TARBP1: variants seen among roughly 807,000 people sequenced by gnomAD.
The protein encoded by TARBP1 is tRNA guanosine 2 -O-methyltransferase TARBP1.
Under a neutral mutation model 178.6 loss-of-function variants are expected in TARBP1, and 144 were observed. The ratio of observed to expected loss-of-function variants is 0.81; its 90% confidence interval spans 0.70 to 0.93. The LOEUF (loss-of-function observed/expected upper bound fraction) is 0.93, where lower values mean the gene tolerates loss of function less well. Among genes scored for constraint, TARBP1 ranks in the 40% least tolerant of loss-of-function variants. TARBP1 has a pLI of 0.00. For missense variants in TARBP1, 2,067 were observed against 2,011.7 expected, an observed-to-expected ratio of 1.03 and a Z score of -0.53; for synonymous variants, 787 against 781.0, an observed-to-expected ratio of 1.01 and a Z score of -0.13.
rs145165224 is a variant in TARBP1, at chr1:234,459,641, G to A, written c.1536-315C>T. On this transcript the variant is annotated intron_variant, in intron 7 of 29. Coordinates refer to ENST00000040877, the MANE Select transcript of TARBP1 (RefSeq NM_005646.4). ...AGCCTGGCCAACATGGTGCAATCCC[G>A]TCTCTACTAAAAATACAAAAATCAG... Among the ~76,000 whole-genome samples the A allele has an allele frequency of 3.6e-3, 540 of 152,006 alleles. 3 individuals are homozygous for A. Among genetic ancestry groups the A allele is most frequent in the African/African-American group, 0.012 (512 of 41,464 alleles).
chr1:234,433,002 G>A (rs1664625265), intron 14 of TARBP1, among the ~76,000 whole-genome samples: 1 of 152,192 alleles, frequency 6.6e-6, no homozygotes, highest in South Asian at 2.1e-4. Context: ...CACTTTGGGA[G>A]GCCAAGGCAG....
At chr1:234,399,378 G>A (rs1482977677) in intron 25 of TARBP1, among the ~76,000 whole-genome samples, 3 of 152,172 alleles carry the variant, frequency 2.0e-5, no homozygotes, top group East Asian at 3.8e-4. Flanking sequence ...CAATGATCAC[G>A]ACTACATGTT....
intron 4 of TARBP1, 151 bp from the exon 5 acceptor site, chr1:234,465,859 G>A: frequency 3.3e-6 from 2 of 605,848 alleles, no homozygotes; most frequent in South Asian, 7.3e-5. Context: ...TAAATTTAGT[G>A]CTGGTCCTGG....
chr1:234,479,060 T>C lies in TARBP1; in HGVS notation c.44A>G (p.Asp15Gly). 6.5e-7 allele frequency: 1 copy of C among 1,539,390 alleles called. No homozygotes were observed. The highest frequency in any genetic ancestry group is 8.6e-7 in the Non-Finnish European group (1 of 1,156,130). Residue 15 changes from aspartate (D) to glycine (G), a missense_variant, in exon 1 of 30, where the codon GAC becomes GGC. Physicochemically the swap from Asp to Gly is moderately conservative, Grantham distance 94. Transcript: ENST00000040877. ...LAEALLSQSR[D>G]PRALLGALCQ... Reference sequence around the variant, plus strand: ...CAGCGCCCCAAGCAGGGCCCGGGGGTCCCGGCTCTGCGAGAGCAGCGCTTC... The same window carrying C: ...CAGCGCCCCAAGCAGGGCCCGGGGGCCCCGGCTCTGCGAGAGCAGCGCTTC...
In TARBP1 at chr1:234,460,109, A is replaced by AT. The variant is rs570350546; in HGVS notation, c.1535+151dup. 4,677 of 849,026 alleles carry AT rather than the reference A, an allele frequency of 5.5e-3. 17 individuals are homozygous for AT. The highest frequency in any genetic ancestry group is 6.6e-3 in the Non-Finnish European group (3,966 of 601,214). 52.6% of individuals were successfully genotyped at this position (849,026 alleles called of 1,614,324 possible). ...AACTATACGAATAATACATTTTTTAATTTTTTTCTTATGTAAAATTAAGAG... is the reference window on the plus strand; with the variant it reads ...AACTATACGAATAATACATTTTTTAATTTTTTTTCTTATGTAAAATTAAGAG... On this transcript the variant is annotated intron_variant, in intron 7 of 29. Coordinates refer to ENST00000040877, the MANE Select transcript of TARBP1 (RefSeq NM_005646.4).
intron 26 of TARBP1, among the ~76,000 whole-genome samples, chr1:234,394,927 TA>T (rs1264704262): frequency 6.6e-6 from 1 of 151,716 alleles, no homozygotes; most frequent in Non-Finnish European, 1.5e-5. Flanking sequence ...CCGACTCTAC[TA>T]AAAATAACAC....
chr1:234,447,434 G>A (rs1347139383), intron 11 of TARBP1, among the ~76,000 whole-genome samples: 2 of 121,784 alleles, frequency 1.6e-5, no homozygotes, highest in South Asian at 2.6e-4. Context: ...TCACTCTGTC[G>A]CCCAGGCTGG....
chr1:234,391,618 T>C lies in TARBP1; in HGVS notation c.4825A>G (p.Thr1609Ala). 1 of 1,613,472 alleles carries C rather than the reference T, an allele frequency of 6.2e-7. No individual in the cohort carries two copies. The highest frequency in any genetic ancestry group is 8.5e-7 in the Non-Finnish European group (1 of 1,179,928). ...CCGTGCGAGAGCAGCTGCTGCCTGG[T>C]GTACTCCCAGATCAGCAGGGCTCCA... ...VSGALLIWEY[T>A]RQQLLSHGDT... is the part of the protein sequence containing the mutation. Residue 1609 changes from threonine to alanine, a missense_variant, in exon 30 of 30, where the codon ACC becomes GCC. Transcript: ENST00000040877.
chr1:234,408,474 CA>C (rs1052195184), intron 23 of TARBP1, among the ~76,000 whole-genome samples: 4 of 152,194 alleles, frequency 2.6e-5, no homozygotes, highest in African/African-American at 9.7e-5. Context: ...GTAGGACTAA[CA>C]AATTAGCCTC....
At chr1:234,410,209 T>C (rs1217760586) in intron 23 of TARBP1, among the ~76,000 whole-genome samples, 1 of 152,192 alleles carries the variant, frequency 6.6e-6, no homozygotes, top group Non-Finnish European at 1.5e-5. Flanking sequence ...ACTTACCCAG[T>C]AGTTTGTCTA....
At position 234,393,474 on chromosome 1, in the gene TARBP1, G is replaced by A. The variant is rs1659609864; in HGVS notation, c.4448C>T (p.Thr1483Ile). ...CACTGAAGCCCCAAATACCTCACAG[G>A]TCCTGCACAGTCCTGCACAGAACAC... Reference protein sequence around the residue: ...KPTNLGGLCRTCEVFGASVLV... With the variant: ...KPTNLGGLCRICEVFGASVLV... The change falls in exon 28 of 30, where the codon ACC (threonine) becomes ATC (isoleucine). Residue 1483 changes from threonine (T) to isoleucine (I), a missense_variant. Thr to Ile is a moderately conservative substitution (Grantham distance 89). Transcript: ENST00000040877. The A allele has an allele frequency of 6.3e-7, 1 of 1,578,986 alleles. No individual in the cohort carries two copies. Among genetic ancestry groups the A allele is most frequent in the Non-Finnish European group, 8.6e-7 (1 of 1,163,150 alleles).
Position 234,403,762 on chromosome 1 carries a change from C to T in TARBP1, c.3989+2141G>A, listed in dbSNP as rs536285029. Among the ~76,000 whole-genome samples the T allele has an allele frequency of 3.3e-5, 5 of 152,312 alleles. No homozygotes were observed. In the East Asian group the frequency reaches 9.6e-4, roughly 29 times the overall value. ...GCAGTGGCGCAATCTTGGCTCACTG[C>T]AACCTCCACCTCCCGGGTTCAAGAG... is the stretch of plus-strand genomic sequence containing the variant. On this transcript the variant is annotated intron_variant, in intron 24 of 29. Coordinates refer to ENST00000040877, the MANE Select transcript of TARBP1 (RefSeq NM_005646.4).
chr1:234,441,305 T>C (rs529756840), intron 12 of TARBP1, among the ~76,000 whole-genome samples: 16 of 152,086 alleles, frequency 1.1e-4, no homozygotes, highest in African/African-American at 3.6e-4. Context: ...CAGCAGGACT[T>C]TTTTTTTGTA....
intron 5 of TARBP1, 28 bp from the exon 6 acceptor site, chr1:234,463,962 T>G (rs748119464): frequency 6.9e-7 from 1 of 1,446,290 alleles, no homozygotes; most frequent in Non-Finnish European, 9.4e-7. Context: ...GGAAAACAAA[T>G]ATTTAACATT....
At chr1:234,477,892 A>C (rs1669714123) in intron 1 of TARBP1, among the ~76,000 whole-genome samples, 1 of 152,174 alleles carries the variant, frequency 6.6e-6, no homozygotes, top group Admixed American at 6.5e-5. Context: ...GGTCTGTAAA[A>C]TCTTGCACGG....
At chr1:234,455,885 G>T (rs1439598624) in intron 9 of TARBP1, among the ~76,000 whole-genome samples, 1 of 151,938 alleles carries the variant, frequency 6.6e-6, no homozygotes, top group Non-Finnish European at 1.5e-5. Flanking sequence ...ACAAAATGGG[G>T]AAAGGACAAT....
chr1:234,447,392 A>G (rs1194993655), intron 11 of TARBP1, among the ~76,000 whole-genome samples: 6 of 132,208 alleles, frequency 4.5e-5, no homozygotes, highest in African/African-American at 1.7e-4. Flanking sequence ...ACTGTTAACC[A>G]ACTTTTTTTT....
At position 234,446,947 on chromosome 1, in the gene TARBP1, G is replaced by A. The variant is rs866520840; in HGVS notation, c.1990C>T (p.Arg664Trp). The A allele has an allele frequency of 3.1e-6, 5 of 1,613,286 alleles. No individual in the cohort carries two copies. Among genetic ancestry groups the A allele is most frequent in the Admixed American group, 1.7e-5 (1 of 59,904 alleles). ...SGKQRTENVLRIFLDPLLDVL... is the reference protein window; with the variant it reads ...SGKQRTENVLWIFLDPLLDVL... Reference sequence around the variant, plus strand: ...TCCAGAAGAGGGTCTAAGAATATCCGCAATACATTCTCTGTTCTCTGCTTT... The same window carrying A: ...TCCAGAAGAGGGTCTAAGAATATCCACAATACATTCTCTGTTCTCTGCTTT... The change falls in exon 12 of 30, where the codon CGG (arginine) becomes TGG (tryptophan). Residue 664 changes from arginine to tryptophan, a missense_variant. Transcript: ENST00000040877.
intron 1 of TARBP1, among the ~76,000 whole-genome samples, chr1:234,475,594 T>A (rs1306943589): frequency 1.3e-5 from 2 of 152,170 alleles, no homozygotes; most frequent in Non-Finnish European, 2.9e-5. Context: ...CACCCCTAAG[T>A]TGGAGGCAAC....
Sources: gnomAD v4.1 joint callset for allele counts (sites outside exome capture counted in the v4.1 genomes callset) on GRCh38, gnomAD v4.1.1 for gene constraint, MANE v1.5 for transcripts, NCBI Gene and HGNC (gene_info 2026-07-23, HGNC 2026-07-21) for gene names.